The following ADGRD1 variants were observed in gnomAD, a reference collection of about 807,000 sequenced individuals.
ADGRD1 encodes G-protein coupled receptor 133.
A neutral mutation model predicts 113.4 loss-of-function variants in ADGRD1; 77 were observed. That is an observed-to-expected ratio of 0.68 (90% CI 0.57 to 0.82). ADGRD1 has a LOEUF of 0.82. Among genes scored for constraint, ADGRD1 ranks in the 40% least tolerant of loss-of-function variants. The probability of loss-of-function intolerance (pLI) is 0.00; values close to 1 mark genes in which losing one functional copy is unlikely to be tolerated. For synonymous variants in ADGRD1, 474 were observed against 475.0 expected, an observed-to-expected ratio of 1.00 and a Z score of 0.03; for missense variants, 1,036 against 1,139.1, an observed-to-expected ratio of 0.91 and a Z score of 1.30.
At position 130,966,570 on chromosome 12, in the gene ADGRD1, G is replaced by A. The variant is rs370567995; in HGVS notation, c.187+24G>A. On this transcript the variant is annotated intron_variant, in intron 3 of 24. Coordinates refer to ENST00000261654, the MANE Select transcript of ADGRD1 (RefSeq NM_198827.5). The surrounding 1 kb of genome is among the most constrained non-coding windows in gnomAD (Gnocchi z 4.6). ...AGGTAGAGACGCGGGTGCTGAGAGC[G>A]GCTGTGGGCGCGGGAATCCCAGGGC... 3.4e-6 allele frequency: 5 copies of A among 1,480,490 alleles called. No homozygotes were observed. The highest frequency in any genetic ancestry group is 4.7e-6 in the Non-Finnish European group (5 of 1,058,182). 91.7% of individuals were successfully genotyped at this position (1,480,490 alleles called of 1,614,324 possible).
chr12:131,065,112 A>G (rs1055472707), intron 13 of ADGRD1, among the ~76,000 whole-genome samples: 1 of 152,182 alleles, frequency 6.6e-6, no homozygotes, highest in African/African-American at 2.4e-5. Context: ...TGGTCCTTGT[A>G]GAAGCCACGT....
chr12:131,051,841 AAAG>A (rs1274383384), intron 13 of ADGRD1, among the ~76,000 whole-genome samples: 1 of 152,208 alleles, frequency 6.6e-6, no homozygotes, highest in African/African-American at 2.4e-5. Context: ...GCAATTATTT[AAAG>A]AAGGAGAAAA....
At chr12:131,021,739 T>C (rs1879348964) in intron 13 of ADGRD1, among the ~76,000 whole-genome samples, 1 of 152,096 alleles carries the variant, frequency 6.6e-6, no homozygotes, top group Non-Finnish European at 1.5e-5. Flanking sequence ...ACAGAGTCTC[T>C]CTCTCTTGCC....
At chr12:130,991,346 G>A (rs187804411) in intron 7 of ADGRD1, among the ~76,000 whole-genome samples, 114 of 152,250 alleles carry the variant, frequency 7.5e-4, no homozygotes, top group African/African-American at 2.7e-3. Flanking sequence ...CGTGGGCGCC[G>A]TGAGTGGGGA....
chr12:131,098,417 A>T (rs1949994169), intron 15 of ADGRD1, among the ~76,000 whole-genome samples: 1 of 152,118 alleles, frequency 6.6e-6, no homozygotes, highest in African/African-American at 2.4e-5. Context: ...GGGGTGAGCC[A>T]TGAGGGACGA....
chr12:130,954,180 A>C lies in ADGRD1; in HGVS notation c.-286A>C. Reference sequence around the variant, plus strand: ...AGTGGTGACCTGGGATTGCTTTCCCAGGACTGCGAGTCGGGTTTGGGTTTC... The same window carrying C: ...AGTGGTGACCTGGGATTGCTTTCCCCGGACTGCGAGTCGGGTTTGGGTTTC... On this transcript the variant is annotated 5_prime_UTR_variant, in exon 1 of 25. Coordinates refer to ENST00000261654, the MANE Select transcript of ADGRD1 (RefSeq NM_198827.5). This position sits in a 1 kb window ranked among gnomAD's most constrained non-coding sequence, Gnocchi z 4.7. 2.7e-6 allele frequency: 1 copy of C among 366,812 alleles called. No individual in the cohort carries two copies. Among genetic ancestry groups the C allele is most frequent in the Non-Finnish European group, 4.8e-6 (1 of 207,504 alleles). 22.7% of individuals were successfully genotyped at this position (366,812 alleles called of 1,614,324 possible).
At chr12:131,123,046 T>G (rs868057623) in intron 20 of ADGRD1, among the ~76,000 whole-genome samples, 124 of 113,258 alleles carry the variant, frequency 1.1e-3, no homozygotes, top group Middle Eastern at 4.3e-3. Flanking sequence ...GGAGTTTTTT[T>G]TTTTTTTTTT....
chr12:131,031,568 C>T (rs909158035), intron 13 of ADGRD1, among the ~76,000 whole-genome samples: 1 of 150,808 alleles, frequency 6.6e-6, no homozygotes, highest in African/African-American at 2.5e-5. Flanking sequence ...GCAAACACGG[C>T]CCCCCCACCC....
chr12:130,997,076 A>C (rs1252029376), intron 8 of ADGRD1, among the ~76,000 whole-genome samples: 5 of 106,036 alleles, frequency 4.7e-5, no homozygotes, highest in South Asian at 3.9e-4. Context: ...ACTTCCCAGT[A>C]GGGGCGGCCG....
At chr12:131,039,332 G>T (rs1232365829) in intron 13 of ADGRD1, among the ~76,000 whole-genome samples, 1 of 152,268 alleles carries the variant, frequency 6.6e-6, no homozygotes. Context: ...CCCTCACGGG[G>T]TGACCCTTTC....
At position 130,971,475 on chromosome 12, in the gene ADGRD1, G is replaced by A; in HGVS notation, c.205G>A (p.Val69Ile). The A allele has an allele frequency of 3.1e-6, 5 of 1,613,398 alleles. No individual in the cohort carries two copies. In the South Asian group the frequency reaches 5.5e-5, roughly 18 times the overall value. ...TTCCTTAGATATTGTGGAAGGGAAGGTCAACAAAGGCATTTACCTGAAAGA... is the reference window on the plus strand; with the variant it reads ...TTCCTTAGATATTGTGGAAGGGAAGATCAACAAAGGCATTTACCTGAAAGA... ...DTTGDIVEGK[V>I]NKGIYLKEEK... Residue 69 changes from valine to isoleucine, a missense_variant, in exon 4 of 25, where the codon GTC (valine) becomes ATC (isoleucine). Coordinates refer to ENST00000261654, the MANE Select transcript of ADGRD1 (RefSeq NM_198827.5). This position sits in a 1 kb window ranked among gnomAD's most constrained non-coding sequence, Gnocchi z 4.2.
intron 2 of ADGRD1, among the ~76,000 whole-genome samples, chr12:130,961,803 AT>A (rs1035624025): frequency 2.2e-4 from 33 of 152,312 alleles, no homozygotes; most frequent in African/African-American, 7.2e-4. Flanking sequence ...AATTGCTAAC[AT>A]TAAAATTTTG....
intron 13 of ADGRD1, among the ~76,000 whole-genome samples, chr12:131,045,171 GGA>G (rs1441939805): frequency 6.6e-6 from 1 of 152,230 alleles, no homozygotes; most frequent in Non-Finnish European, 1.5e-5. Flanking sequence ...CCGAAATCCG[GGA>G]GAGCGTGGAT....
chr12:131,051,227 A>G (rs1401177720), intron 13 of ADGRD1, among the ~76,000 whole-genome samples: 3 of 152,162 alleles, frequency 2.0e-5, no homozygotes, highest in Non-Finnish European at 4.4e-5. Flanking sequence ...TGCTTGTGGG[A>G]AGTTCAGGAT....
chr12:130,974,492 T>C (rs1353108331), intron 4 of ADGRD1, among the ~76,000 whole-genome samples: 1 of 152,182 alleles, frequency 6.6e-6, no homozygotes, highest in Non-Finnish European at 1.5e-5. Flanking sequence ...TGTGAATGAT[T>C]AGAACGTGGG....
chr12:130,955,787 T>TA (rs1869497270), intron 2 of ADGRD1, among the ~76,000 whole-genome samples: 1 of 152,000 alleles, frequency 6.6e-6, no homozygotes, highest in Non-Finnish European at 1.5e-5. Flanking sequence ...AAATTATTTT[T>TA]GTTTTTATTT....
intron 19 of ADGRD1, among the ~76,000 whole-genome samples, chr12:131,118,986 T>C (rs562578036): frequency 1.3e-5 from 2 of 152,270 alleles, no homozygotes; most frequent in East Asian, 3.9e-4. Flanking sequence ...CCACTTGAAA[T>C]GCAGCTCATG....
intron 15 of ADGRD1, among the ~76,000 whole-genome samples, chr12:131,092,428 C>T (rs888079416): frequency 6.6e-6 from 1 of 152,152 alleles, no homozygotes; most frequent in Non-Finnish European, 1.5e-5. Flanking sequence ...GGTGGGAGAG[C>T]CCCCGATATT....
In ADGRD1 at chr12:131,113,623, G is replaced by A. The variant is rs959668729; in HGVS notation, c.2041+4746G>A. On this transcript the variant is annotated intron_variant, in intron 18 of 24. Coordinates refer to ENST00000261654, the MANE Select transcript of ADGRD1 (RefSeq NM_198827.5). This position sits in a 1 kb window ranked among gnomAD's most constrained non-coding sequence, Gnocchi z 4.9. Reference sequence around the variant, plus strand: ...AGTGGAGGTAAATTGTGCTCCCCTCGTGGCTCCCTGGGGAGACTGAAGAGG... The same window carrying A: ...AGTGGAGGTAAATTGTGCTCCCCTCATGGCTCCCTGGGGAGACTGAAGAGG... Among the ~76,000 whole-genome samples the A allele has an allele frequency of 6.6e-6, 1 of 152,160 alleles. No individual in the cohort carries two copies. Among genetic ancestry groups the A allele is most frequent in the Non-Finnish European group, 1.5e-5 (1 of 68,022 alleles).
Sources: allele counts gnomAD v4.1 joint callset (sites outside exome capture counted in the v4.1 genomes callset), GRCh38; gene constraint gnomAD v4.1.1; non-coding constraint Gnocchi (gnomAD v3.1); transcripts MANE v1.5; gene names NCBI Gene and HGNC (gene_info 2026-07-23, HGNC 2026-07-21).